The following NCOA2 variants were observed in gnomAD, a reference collection of about 807,000 sequenced individuals.
NCOA2 encodes the protein class E basic helix-loop-helix protein 75.
A neutral mutation model predicts 145.1 loss-of-function variants in NCOA2; 21 were observed. The observed-to-expected ratio is 0.14, with a 90% CI of 0.10 to 0.21. NCOA2 has a LOEUF of 0.21. Among genes scored for constraint, NCOA2 ranks in the 10% least tolerant of loss-of-function variants. The pLI is 1.00. For missense variants in NCOA2, 1,472 were observed against 1,837.6 expected (o/e 0.80, Z 3.64); for synonymous variants, 619 against 637.5 (o/e 0.97, Z 0.44).
At chr8:70,323,354 A>G (rs1055880899) in intron 1 of NCOA2, among the ~76,000 whole-genome samples, 4 of 152,232 alleles carry the variant, frequency 2.6e-5, no homozygotes, top group Non-Finnish European at 5.9e-5. Context: ...GAGAAAGAAT[A>G]TAATTAGATG....
At chr8:70,114,322 G>A (rs55832818) in intron 22 of NCOA2, among the ~76,000 whole-genome samples, 1 of 152,086 alleles carries the variant, frequency 6.6e-6, no homozygotes, top group African/African-American at 2.4e-5. Context: ...CACTGCACCC[G>A]GCCTCTTGGG....
intron 2 of NCOA2, among the ~76,000 whole-genome samples, chr8:70,225,046 TG>T (rs1358522056): frequency 6.6e-6 from 1 of 152,122 alleles, no homozygotes; most frequent in African/African-American, 2.4e-5. Context: ...CAAGAGGACA[TG>T]ATCTATTAAG....
At chr8:70,355,403 A>G (rs1809593159) in intron 1 of NCOA2, among the ~76,000 whole-genome samples, 1 of 152,212 alleles carries the variant, frequency 6.6e-6, no homozygotes, top group Non-Finnish European at 1.5e-5. Flanking sequence ...TGTGCCAGAC[A>G]CTATTCTAGG....
intron 1 of NCOA2, among the ~76,000 whole-genome samples, chr8:70,402,784 G>A (rs895568544): frequency 6.6e-5 from 10 of 151,266 alleles, no homozygotes; most frequent in African/African-American, 2.4e-4. Context: ...CCCGCCCCCG[G>A]CCCCGGCCCC....
At chr8:70,372,393 G>A (rs1034704023) in intron 1 of NCOA2, among the ~76,000 whole-genome samples, 1 of 152,236 alleles carries the variant, frequency 6.6e-6, no homozygotes, top group Non-Finnish European at 1.5e-5. Flanking sequence ...AGATTAGTTG[G>A]GGGTTATGCA....
chr8:70,274,476 G>C (rs1390944480), intron 2 of NCOA2, among the ~76,000 whole-genome samples: 1 of 152,108 alleles, frequency 6.6e-6, no homozygotes, highest in Non-Finnish European at 1.5e-5. Flanking sequence ...TTTTTAAGTA[G>C]GGTCAAAAAT....
At chr8:70,353,881 T>C (rs183837506) in intron 1 of NCOA2, among the ~76,000 whole-genome samples, 6 of 152,288 alleles carry the variant, frequency 3.9e-5, no homozygotes, top group Non-Finnish European at 8.8e-5. Flanking sequence ...ATAAATACAC[T>C]GACCCTTATA....
intron 1 of NCOA2, among the ~76,000 whole-genome samples, chr8:70,352,792 AT>A (rs1206162893): frequency 6.6e-6 from 1 of 152,178 alleles, no homozygotes; most frequent in African/African-American, 2.4e-5. Flanking sequence ...CACTAAATTA[AT>A]TTTACAACCC....
At chr8:70,453,459 G>C in the NCOA2 span, among the ~76,000 whole-genome samples, 1 of 152,174 alleles carries the variant, frequency 6.6e-6, no homozygotes, top group African/African-American at 2.4e-5. Flanking sequence ...GTATTAACCT[G>C]ATCCTAAAGC....
intron 1 of NCOA2, among the ~76,000 whole-genome samples, chr8:70,385,910 T>C (rs1812614141): frequency 6.6e-6 from 1 of 152,268 alleles, no homozygotes. Context: ...TCTGAGGCAT[T>C]TGTGTGTAAC....
At chr8:70,309,591 A>G (rs1828149111) in intron 1 of NCOA2, among the ~76,000 whole-genome samples, 1 of 152,180 alleles carries the variant, frequency 6.6e-6, no homozygotes, top group Non-Finnish European at 1.5e-5. Context: ...ACTTACAAGA[A>G]AACATTATGT....
rs745408332 is a variant in NCOA2 at position 70,144,685 on chromosome 8, T to G, written c.2769A>C (p.Gln923His). Residue 923 changes from glutamine to histidine, a missense_variant, in exon 13 of 23, where the codon CAA becomes CAC. Physicochemically the swap from Gln to His is conservative, Grantham distance 24. This residue lies in a region of NCOA2 where 953 missense variants were observed against 1,062.1 expected (regional missense o/e 0.90). Coordinates refer to ENST00000452400, the MANE Select transcript of NCOA2 (RefSeq NM_006540.4). Reference sequence around the variant, plus strand: ...AATTTCCTTGGTTTCCTATCATCCCTTGATTACCCATCATTCCTGGCTGAG... The same window carrying G: ...AATTTCCTTGGTTTCCTATCATCCCGTGATTACCCATCATTCCTGGCTGAG... The part of the protein sequence containing the change: ...VIPQPGMMGN[Q>H]GMIGNQGNLG... 7 of 1,613,994 alleles carry G rather than the reference T, an allele frequency of 4.3e-6. No homozygotes were observed. Among genetic ancestry groups the G allele is most frequent in the Non-Finnish European group, 5.9e-6 (7 of 1,179,876 alleles).
chr8:70,378,869 G>A (rs1811924076), intron 1 of NCOA2, among the ~76,000 whole-genome samples: 1 of 151,882 alleles, frequency 6.6e-6, no homozygotes, highest in African/African-American at 2.4e-5. Flanking sequence ...ACCAGGCACT[G>A]TTGTCAGTGC....
At chr8:70,427,010 C>T in the NCOA2 span, among the ~76,000 whole-genome samples, 1 of 152,108 alleles carries the variant, frequency 6.6e-6, no homozygotes, top group African/African-American at 2.4e-5. Flanking sequence ...GTTTTGAATT[C>T]CTGGGCTCAA....
the NCOA2 span, among the ~76,000 whole-genome samples, chr8:70,436,752 T>C: frequency 6.6e-6 from 1 of 152,206 alleles, no homozygotes; most frequent in Non-Finnish European, 1.5e-5. Flanking sequence ...ATGTGTGGAA[T>C]ACAAAGGTGA....
intron 1 of NCOA2, among the ~76,000 whole-genome samples, chr8:70,303,318 G>A (rs1018317207): frequency 6.6e-6 from 1 of 152,270 alleles, no homozygotes; most frequent in Middle Eastern, 3.4e-3. Context: ...CAAGGAAAAT[G>A]AGAAGAAATT....
chr8:70,187,080 A>G (rs924461645), intron 4 of NCOA2, among the ~76,000 whole-genome samples: 1 of 152,234 alleles, frequency 6.6e-6, no homozygotes, highest in Admixed American at 6.5e-5. Context: ...GGCAATTAAA[A>G]AGAATACAAG....
At chr8:70,351,210 T>C (rs1251046725) in intron 1 of NCOA2, among the ~76,000 whole-genome samples, 1 of 152,218 alleles carries the variant, frequency 6.6e-6, no homozygotes, top group African/African-American at 2.4e-5. Flanking sequence ...AGAGAGGGCA[T>C]TGAAACCACG....
rs749924630 is a variant in NCOA2 at position 70,162,861 on chromosome 8, AG to A, written c.833-8del. 1 of 1,610,168 alleles carries A rather than the reference AG, an allele frequency of 6.2e-7. No homozygotes were observed. The highest frequency in any genetic ancestry group is 1.7e-5 in the Admixed American group (1 of 59,172). ...TCCAGAGACGTGATCTTGCCTATTAAGTAACAGCAGGCATTATACCTACATG... is the reference window on the plus strand; with the variant it reads ...TCCAGAGACGTGATCTTGCCTATTAATAACAGCAGGCATTATACCTACATG... On this transcript the variant is annotated splice_polypyrimidine_tract_variant and splice_region_variant and intron_variant, in intron 8 of 22. Transcript: ENST00000452400.
Sources: gnomAD v4.1 joint callset for allele counts (sites outside exome capture counted in the v4.1 genomes callset) on GRCh38, gnomAD v4.1.1 for gene constraint, gnomAD v4.1.1 regional missense constraint, MANE v1.5 for transcripts, NCBI Gene and HGNC (gene_info 2026-07-23, HGNC 2026-07-21) for gene names.